CFAP58: variants seen among roughly 807,000 people sequenced by gnomAD.
CFAP58 encodes cilia and flagella associated protein 58, also known as cilia- and flagella-associated protein 58.
A neutral mutation model predicts 119.5 loss-of-function variants in CFAP58; 88 were observed. The ratio of observed to expected loss-of-function variants is 0.74; its 90% CI spans 0.62 to 0.88. The LOEUF (loss-of-function observed/expected upper bound fraction) is 0.88. Among genes scored for constraint, CFAP58 ranks in the 40% least tolerant of loss-of-function variants. The pLI is 0.00. For missense variants in CFAP58, 990 were observed against 1,021.2 expected (o/e 0.97, Z 0.42); for synonymous variants, 365 against 366.3 (o/e 1.00, Z 0.04).
At chr10:104,370,178 T>A (rs990586710) in intron 6 of CFAP58, among the ~76,000 whole-genome samples, 1 of 152,178 alleles carries the variant, frequency 6.6e-6, no homozygotes, top group Admixed American at 6.5e-5. Flanking sequence ...ACTTCACAAG[T>A]TCATGAAAAT....
In CFAP58 at chr10:104,450,331, A is replaced by G; in HGVS notation, c.2510+127A>G. 4.2e-6 allele frequency: 4 copies of G among 949,050 alleles called. No individual in the cohort carries two copies. In the South Asian group the frequency reaches 5.6e-5, roughly 13 times the overall value. 58.8% of individuals were successfully genotyped at this position (949,050 alleles called of 1,614,324 possible). ...CTAAATCACAGGGTAAACAAATGAC[A>G]TTCTACAGGTCACTAAGTTTGTATC... On this transcript the variant is annotated intron_variant, in intron 17 of 17. Transcript: ENST00000369704.
At chr10:104,405,914 G>C (rs568959609) in intron 14 of CFAP58, among the ~76,000 whole-genome samples, 7 of 152,148 alleles carry the variant, frequency 4.6e-5, no homozygotes, top group Admixed American at 1.3e-4. Context: ...AGTAAACCTG[G>C]GCAGTCTAGT....
intron 9 of CFAP58, among the ~76,000 whole-genome samples, chr10:104,388,385 C>A (rs2011967341): frequency 6.6e-6 from 1 of 152,094 alleles, no homozygotes; most frequent in Non-Finnish European, 1.5e-5. Context: ...CTCATAATAG[C>A]CCTGTGAGAT....
chr10:104,402,998 T>C (rs527374825), intron 13 of CFAP58, among the ~76,000 whole-genome samples: 1 of 152,318 alleles, frequency 6.6e-6, no homozygotes, highest in African/African-American at 2.4e-5. Flanking sequence ...TGTTCACTTA[T>C]TACCACTATA....
rs1589940653 is a variant in CFAP58 at position 104,450,133 on chromosome 10, G to A, written c.2439G>A (p.Glu813=). ...VQSKEYKYEV[E]KLTNELQNLK... is the part of the protein sequence containing the mutation. The stretch of plus-strand genomic sequence containing the variant: ...GCAAAGAATATAAATATGAGGTAGA[G>A]AAACTTACCAATGAGCTCCAGAATT... Residue 813 remains glutamate (E), a synonymous_variant, in exon 17 of 18, where the codon GAG becomes GAA. Transcript: ENST00000369704. The A allele has an allele frequency of 1.2e-6, 2 of 1,613,070 alleles. No individual in the cohort carries two copies. The highest frequency in any genetic ancestry group is 2.7e-5 in the African/African-American group (2 of 75,016).
chr10:104,408,693 A>G (rs1159019617), intron 15 of CFAP58, among the ~76,000 whole-genome samples: 1 of 152,098 alleles, frequency 6.6e-6, no homozygotes, highest in Non-Finnish European at 1.5e-5. Context: ...CCTTCCCTCT[A>G]TATACTCTGG....
At chr10:104,366,345 C>T (rs1481684038) in intron 5 of CFAP58, among the ~76,000 whole-genome samples, 7 of 152,142 alleles carry the variant, frequency 4.6e-5, no homozygotes, top group Admixed American at 4.6e-4. Flanking sequence ...TGCTCCCAGC[C>T]AGAGAAACAG....
intron 11 of CFAP58, among the ~76,000 whole-genome samples, chr10:104,394,981 C>T (rs1332681774): frequency 6.6e-6 from 1 of 152,194 alleles, no homozygotes; most frequent in East Asian, 1.9e-4. Flanking sequence ...CCATTTGGTG[C>T]ATCATCTCTT....
Position 104,375,537 on chromosome 10 carries a change from G to A in CFAP58, c.1091-1274G>A, listed in dbSNP as rs1191018073. Reference sequence around the variant, plus strand: ...AGTTCGAGACCAGCCTGGCCAACATGGTGAAACCCAGTGTTGATGAAATAA... The same window carrying A: ...AGTTCGAGACCAGCCTGGCCAACATAGTGAAACCCAGTGTTGATGAAATAA... On this transcript the variant is annotated intron_variant, in intron 7 of 17. Coordinates refer to ENST00000369704, the MANE Select transcript of CFAP58 (RefSeq NM_001008723.2). 2.0e-5 allele frequency among the ~76,000 whole-genome samples: 3 copies of A among 152,244 alleles called. No individual in the cohort carries two copies. The East Asian group carries it at 5.8e-4, about 29-fold the overall frequency.
At chr10:104,403,651 G>T (rs2012306547) in intron 13 of CFAP58, 78 bp from the exon 14 acceptor site, 2 of 903,122 alleles carry the variant, frequency 2.2e-6, no homozygotes, top group South Asian at 3.0e-5. Context: ...GACATAGTGT[G>T]TATGCAACTA....
intron 3 of CFAP58, 27 bp downstream of exon 3, chr10:104,362,198 T>C (rs1314766711): frequency 6.3e-7 from 1 of 1,581,368 alleles, no homozygotes; most frequent in Non-Finnish European, 8.6e-7. Flanking sequence ...TTGATGTATG[T>C]TAAACTTGCT....
chr10:104,403,737 T>A lies in CFAP58; in HGVS notation c.2048T>A (p.Phe683Tyr). Residue 683 changes from phenylalanine (F) to tyrosine (Y), a missense_variant, in exon 14 of 18, where the codon TTT (phenylalanine) becomes TAT (tyrosine). Transcript: ENST00000369704. ...MANVEELRQE[F>Y]FHMQRELLKE... is the part of the protein sequence containing the mutation. ...AAGTTTGTCTTATTCAGACAGGAGT[T>A]TTTTCACATGCAAAGAGAATTGTTG... 6.2e-7 allele frequency: 1 copy of A among 1,608,734 alleles called. No homozygotes were observed. The highest frequency in any genetic ancestry group is 1.1e-5 in the South Asian group (1 of 90,050).
At chr10:104,398,864 G>C (rs2012209106) in intron 11 of CFAP58, among the ~76,000 whole-genome samples, 2 of 152,160 alleles carry the variant, frequency 1.3e-5, no homozygotes, top group African/African-American at 2.4e-5. Context: ...TGTTTTACAA[G>C]ATAGACAGTT....
intron 11 of CFAP58, among the ~76,000 whole-genome samples, chr10:104,397,567 T>C (rs2012187590): frequency 6.6e-6 from 1 of 152,176 alleles, no homozygotes; most frequent in Non-Finnish European, 1.5e-5. Flanking sequence ...CACTTAAAAG[T>C]ATGAGGTTTC....
At chr10:104,368,354 C>G in intron 5 of CFAP58, 69 bp from the exon 6 acceptor site, 1 of 1,517,064 alleles carries the variant, frequency 6.6e-7, no homozygotes, top group Non-Finnish European at 8.9e-7. Context: ...TTGTGGGGCC[C>G]CCTGTGTGTA....
intron 16 of CFAP58, among the ~76,000 whole-genome samples, chr10:104,449,660 A>G (rs2013164341): frequency 6.6e-6 from 1 of 152,166 alleles, no homozygotes; most frequent in Admixed American, 6.5e-5. Flanking sequence ...TAATCCTCAG[A>G]TGAATCACAC....
chr10:104,376,695 A>T, intron 7 of CFAP58, 116 bp from the exon 8 acceptor site: 1 of 694,970 alleles, frequency 1.4e-6, no homozygotes, highest in Non-Finnish European at 2.4e-6. Context: ...CTTGGTTAAT[A>T]GTAGTTTTAT....
At chr10:104,431,057 T>C (rs2012837748) in intron 15 of CFAP58, among the ~76,000 whole-genome samples, 2 of 152,222 alleles carry the variant, frequency 1.3e-5, no homozygotes, top group South Asian at 4.1e-4. Flanking sequence ...TGGGTACCAG[T>C]TTGGCTACTA....
intron 7 of CFAP58, among the ~76,000 whole-genome samples, chr10:104,372,582 G>C (rs959059550): frequency 6.6e-6 from 1 of 152,056 alleles, no homozygotes; most frequent in Non-Finnish European, 1.5e-5. Flanking sequence ...TAAATATTTC[G>C]ATTTTATTCT....
Sources: allele counts gnomAD v4.1 joint callset (sites outside exome capture counted in the v4.1 genomes callset), GRCh38; gene constraint gnomAD v4.1.1; transcripts MANE v1.5; gene names NCBI Gene and HGNC (gene_info 2026-07-23, HGNC 2026-07-21).